CDH8: variants seen among roughly 807,000 people sequenced by gnomAD.
The protein encoded by CDH8 is cadherin-8.
CDH8 carries 17 observed loss-of-function variants against 68.1 expected under a neutral mutation model. The observed-to-expected ratio is 0.25, with a 90% CI of 0.17 to 0.37. The LOEUF (loss-of-function observed/expected upper bound fraction) is 0.37. Among genes scored for constraint, CDH8 ranks in the 10% least tolerant of loss-of-function variants. The pLI is 1.00. For synonymous variants in CDH8, 372 were observed against 365.1 expected (o/e 1.02, Z -0.21); for missense variants, 763 against 999.3 (o/e 0.76, Z 3.19).
intron 4 of CDH8, among the ~76,000 whole-genome samples, chr16:61,849,870 T>C (rs938577435): frequency 8.5e-5 from 13 of 152,142 alleles, no homozygotes; most frequent in African/African-American, 2.9e-4. Flanking sequence ...TTTTGTTTCA[T>C]TAAATACAAA....
At chr16:61,912,206 A>G (rs1412329099) in intron 2 of CDH8, among the ~76,000 whole-genome samples, 1 of 152,106 alleles carries the variant, frequency 6.6e-6, no homozygotes, top group Non-Finnish European at 1.5e-5. Context: ...AACTTGGAAG[A>G]ACATTACAAT....
chr16:62,021,615 G>A lies in CDH8; in HGVS notation c.-199-13C>T, dbSNP rs1902078277. 2.3e-6 allele frequency: 3 copies of A among 1,329,346 alleles called. No individual in the cohort carries two copies. The highest frequency in any genetic ancestry group is 1.5e-5 in the African/African-American group (1 of 67,174). The allele number at this position is 1,329,346 out of a possible 1,614,324, so 82.3% of individuals were successfully genotyped here. ...TCATTGAAATTTCCTGCAAAAACAA[G>A]GAGGAAGAAAGATAAGGGTCTACTC... is the stretch of plus-strand genomic sequence containing the variant. On this transcript the variant is annotated splice_polypyrimidine_tract_variant and intron_variant, in intron 1 of 11. Transcript: ENST00000577390.
At chr16:61,793,947 ATG>A in intron 7 of CDH8, among the ~76,000 whole-genome samples, 1 of 152,056 alleles carries the variant, frequency 6.6e-6, no homozygotes, top group Non-Finnish European at 1.5e-5. Context: ...AGAAGCCCAA[ATG>A]GACTACAAAA....
intron 7 of CDH8, among the ~76,000 whole-genome samples, chr16:61,810,597 T>C (rs146171093): frequency 1.7e-4 from 26 of 152,338 alleles, no homozygotes; most frequent in Non-Finnish European, 3.2e-4. Context: ...ATATTTTCAC[T>C]ATAACATTAT....
intron 10 of CDH8, among the ~76,000 whole-genome samples, chr16:61,657,517 C>T (rs761405513): frequency 2.6e-5 from 4 of 152,038 alleles, no homozygotes; most frequent in Non-Finnish European, 5.9e-5. Context: ...ATCCAGTAAT[C>T]TTTATTGTCA....
At chr16:61,716,270 G>A (rs1164073083) in intron 9 of CDH8, among the ~76,000 whole-genome samples, 1 of 151,564 alleles carries the variant, frequency 6.6e-6, no homozygotes, top group Admixed American at 6.6e-5. Flanking sequence ...GCATCTACAG[G>A]AGAGTCATTT....
Position 61,789,475 on chromosome 16 carries a change from T to C in CDH8, c.1285A>G (p.Ile429Val). 1 of 1,612,550 alleles carries C rather than the reference T, an allele frequency of 6.2e-7. No individual in the cohort carries two copies. The highest frequency in any genetic ancestry group is 8.5e-7 in the Non-Finnish European group (1 of 1,179,110). Reference protein sequence around the residue: ...DITSSPIRFSIDRHTDLERQF... With the variant: ...DITSSPIRFSVDRHTDLERQF... ...CTCTCCAGGTCAGTGTGCCGGTCGA[T>C]GGAAAACCTACAAAACAGACACATC... is the stretch of plus-strand genomic sequence containing the variant. The change falls in exon 8 of 12, where the codon ATC (isoleucine) becomes GTC (valine). Residue 429 changes from isoleucine to valine, a missense_variant. By Grantham distance (29) the Ile-to-Val change is conservative. Coordinates refer to ENST00000577390, the MANE Select transcript of CDH8 (RefSeq NM_001796.5).
chr16:61,874,869 G>A (rs1374157023), intron 3 of CDH8, among the ~76,000 whole-genome samples: 1 of 152,152 alleles, frequency 6.6e-6, no homozygotes, highest in African/African-American at 2.4e-5. Flanking sequence ...AATAGATACA[G>A]AGAGGTTCAA....
chr16:61,948,841 C>T (rs1299991425), intron 2 of CDH8, among the ~76,000 whole-genome samples: 3 of 152,120 alleles, frequency 2.0e-5, no homozygotes, highest in Non-Finnish European at 4.4e-5. Flanking sequence ...TCTTTCGAAT[C>T]GCATAACCCA....
chr16:61,709,900 G>A (rs1429234316), intron 10 of CDH8, among the ~76,000 whole-genome samples: 2 of 152,066 alleles, frequency 1.3e-5, no homozygotes, highest in African/African-American at 4.8e-5. Context: ...TGTATAAGCA[G>A]ATGTTTTTGC....
chr16:62,026,865 G>A (rs555741840), intron 1 of CDH8, among the ~76,000 whole-genome samples: 6 of 152,356 alleles, frequency 3.9e-5, no homozygotes, highest in African/African-American at 1.4e-4. Context: ...GAACATCAGA[G>A]AATGGCTTTG....
intron 2 of CDH8, among the ~76,000 whole-genome samples, chr16:61,964,348 A>G (rs946247235): frequency 1.3e-5 from 2 of 152,138 alleles, no homozygotes; most frequent in Admixed American, 6.6e-5. Context: ...CGCCCAGGAC[A>G]GGGGGTCATT....
intron 2 of CDH8, among the ~76,000 whole-genome samples, chr16:61,984,806 T>C (rs1002029320): frequency 2.0e-5 from 3 of 152,218 alleles, no homozygotes; most frequent in Non-Finnish European, 4.4e-5. Flanking sequence ...CTAAAACTTA[T>C]ACTTTTTATA....
chr16:61,655,555 A>T lies in CDH8; in HGVS notation c.1821T>A (p.Ser607=), dbSNP rs1413834839. Residue 607 remains serine (S), a synonymous_variant, in exon 11 of 12, where the codon TCT becomes TCA. Coordinates refer to ENST00000577390, the MANE Select transcript of CDH8 (RefSeq NM_001796.5). ...GAAGGACATAAGCTTCGACATTGCA[A>T]GACTGGACGACACCGTCATTGCTGC... is the stretch of plus-strand genomic sequence containing the variant. ...CGCSNDGVVQ[S]CNVEAYVLPI... is the part of the protein sequence containing the mutation. The T allele has an allele frequency of 9.9e-6, 16 of 1,614,018 alleles. No homozygotes were observed. Among genetic ancestry groups the T allele is most frequent in the Non-Finnish European group, 1.4e-5 (16 of 1,180,018 alleles).
intron 8 of CDH8, among the ~76,000 whole-genome samples, chr16:61,775,303 G>C (rs1960875267): frequency 6.6e-6 from 1 of 152,076 alleles, no homozygotes; most frequent in Non-Finnish European, 1.5e-5. Context: ...TAAGGGATTG[G>C]AGCAAAGGAT....
intron 10 of CDH8, among the ~76,000 whole-genome samples, chr16:61,699,208 G>T (rs1485896371): frequency 6.6e-6 from 1 of 152,096 alleles, no homozygotes; most frequent in Non-Finnish European, 1.5e-5. Flanking sequence ...AAGGGTCCTG[G>T]TAAGAGAAGT....
intron 2 of CDH8, among the ~76,000 whole-genome samples, chr16:61,910,531 T>C (rs1964143450): frequency 1.3e-5 from 2 of 152,116 alleles, no homozygotes; most frequent in South Asian, 4.1e-4. Flanking sequence ...AGAGGTAGAT[T>C]GGAACAAATA....
chr16:61,823,215 T>C (rs1414457659), intron 5 of CDH8, among the ~76,000 whole-genome samples: 2 of 151,896 alleles, frequency 1.3e-5, no homozygotes, highest in African/African-American at 4.8e-5. Context: ...TGGAATTTCT[T>C]CAGATAAATC....
At chr16:61,979,375 T>C (rs1371548540) in intron 2 of CDH8, among the ~76,000 whole-genome samples, 1 of 151,900 alleles carries the variant, frequency 6.6e-6, no homozygotes, top group East Asian at 1.9e-4. Context: ...TAAAAAACTT[T>C]TATTTACAGA....
Sources: gnomAD v4.1 joint callset for allele counts (sites outside exome capture counted in the v4.1 genomes callset) on GRCh38, gnomAD v4.1.1 for gene constraint, MANE v1.5 for transcripts, NCBI Gene and HGNC (gene_info 2026-07-23, HGNC 2026-07-21) for gene names.